Variants in CCDC13 observed in about 807,000 individuals in gnomAD.
The protein encoded by CCDC13 is coiled-coil domain containing 13, also known as coiled-coil domain-containing protein 13.
A neutral mutation model predicts 87.3 loss-of-function variants in CCDC13; 70 were observed. That is an observed-to-expected ratio of 0.80 (90% CI 0.66 to 0.98). CCDC13 has a LOEUF of 0.98. Among genes scored for constraint, CCDC13 ranks in the 50% least tolerant of loss-of-function variants. CCDC13 has a pLI of 0.00. For synonymous variants in CCDC13, 317 were observed against 360.3 expected (o/e 0.88, Z 1.36); for missense variants, 842 against 892.0 (o/e 0.94, Z 0.71).
Position 42,708,047 on chromosome 3 carries a change from C to T in CCDC13, c.*933G>A, listed in dbSNP as rs1333483736. 6.6e-6 allele frequency among the ~76,000 whole-genome samples: 1 copy of T among 152,132 alleles called. No homozygotes were observed. Among genetic ancestry groups the T allele is most frequent in the East Asian group, 1.9e-4 (1 of 5,182 alleles). ...ACTGTACCTTTGACTGGAGCCACTA[C>T]CTCAAAACCCTTCTGCCTGAAGCTC... On this transcript the variant is annotated 3_prime_UTR_variant, in exon 16 of 16. Transcript: ENST00000310232.
Position 42,708,856 on chromosome 3 carries a change from G to A in CCDC13, c.*124C>T, listed in dbSNP as rs1405819563. On this transcript the variant is annotated 3_prime_UTR_variant, in exon 16 of 16. Transcript: ENST00000310232. ...GGTCATCCTTAAGGAGCCTCTTCTGGTAGAAGTGGTTGAGCTGGCTGCCCT... is the reference window on the plus strand; with the variant it reads ...GGTCATCCTTAAGGAGCCTCTTCTGATAGAAGTGGTTGAGCTGGCTGCCCT... 7 of 986,356 alleles carry A rather than the reference G, an allele frequency of 7.1e-6. No individual in the cohort carries two copies. In the South Asian group the frequency reaches 1.2e-4, roughly 17 times the overall value. The allele number at this position is 986,356 out of a possible 1,614,324, so 61.1% of individuals were successfully genotyped here.
intron 13 of CCDC13, among the ~76,000 whole-genome samples, chr3:42,714,983 A>C (rs998159163): frequency 6.6e-6 from 1 of 152,164 alleles, no homozygotes; most frequent in Non-Finnish European, 1.5e-5. Flanking sequence ...TCATGTCCAC[A>C]TGTAGCCATT....
At chr3:42,726,588 A>AT (rs1698694277) in intron 13 of CCDC13, among the ~76,000 whole-genome samples, 1 of 152,154 alleles carries the variant, frequency 6.6e-6, no homozygotes, top group African/African-American at 2.4e-5. Context: ...GTCCTTGGGA[A>AT]TATATAAAGT....
In CCDC13 at chr3:42,707,933, G is replaced by C. The variant is rs1698213825; in HGVS notation, c.*1047C>G. Among the ~76,000 whole-genome samples, 2 of 152,222 alleles carry C rather than the reference G, an allele frequency of 1.3e-5. No homozygotes were observed. The highest frequency in any genetic ancestry group is 1.3e-4 in the Admixed American group (2 of 15,292). On this transcript the variant is annotated 3_prime_UTR_variant, in exon 16 of 16. Coordinates refer to ENST00000310232, the MANE Select transcript of CCDC13 (RefSeq NM_144719.4). ...GCTATAAGTGCATAGTTACAGCTGAGAAAGGGCAACACTGACAGTCATAGA... is the reference window on the plus strand; with the variant it reads ...GCTATAAGTGCATAGTTACAGCTGACAAAGGGCAACACTGACAGTCATAGA...
At chr3:42,724,851 GT>G (rs1698652227) in intron 13 of CCDC13, among the ~76,000 whole-genome samples, 3 of 152,124 alleles carry the variant, frequency 2.0e-5, no homozygotes, top group Admixed American at 6.5e-5. Flanking sequence ...AGATAAGGAG[GT>G]TTCCCCCTAC....
chr3:42,740,241 AG>A (rs1699170885), intron 8 of CCDC13, among the ~76,000 whole-genome samples: 2 of 152,218 alleles, frequency 1.3e-5, no homozygotes, highest in Admixed American at 6.5e-5. Flanking sequence ...TTGCACCACC[AG>A]GAGCTAGAAT....
At chr3:42,759,100 T>C (rs184534403) in intron 1 of CCDC13, among the ~76,000 whole-genome samples, 7 of 152,316 alleles carry the variant, frequency 4.6e-5, no homozygotes, top group Non-Finnish European at 7.3e-5. Context: ...GTGAGTAGAC[T>C]GCTTGAGACC....
intron 7 of CCDC13, among the ~76,000 whole-genome samples, chr3:42,744,396 G>A (rs1033722652): frequency 4.6e-5 from 7 of 152,292 alleles, no homozygotes; most frequent in Admixed American, 2.6e-4. Context: ...AGCACAATTC[G>A]CTAGGCTCCC....
At chr3:42,758,096 C>CACAA in intron 2 of CCDC13, 29 bp downstream of exon 2, 1 of 1,523,042 alleles carries the variant, frequency 6.6e-7, no homozygotes, top group Non-Finnish European at 9.1e-7. Flanking sequence ...CACACACACA[C>CACAA]CCCTGAGAGA....
At chr3:42,728,972 T>G (rs1258420944) in intron 13 of CCDC13, among the ~76,000 whole-genome samples, 2 of 151,988 alleles carry the variant, frequency 1.3e-5, no homozygotes, top group African/African-American at 4.8e-5. Context: ...AAATGAGATC[T>G]CACATGGAGA....
chr3:42,739,259 G>A (rs1699133018), intron 9 of CCDC13, among the ~76,000 whole-genome samples: 1 of 152,184 alleles, frequency 6.6e-6, no homozygotes, highest in Non-Finnish European at 1.5e-5. Flanking sequence ...AAGAGGAAGG[G>A]TTCTGTGCCA....
downstream of CCDC13, chr3:42,704,547 C>A (rs114855590): frequency 4.8e-3 from 725 of 152,410 alleles, 4 homozygotes; most frequent in African/African-American, 0.016. Context: ...CACAGACACC[C>A]TGACCCCCAG....
chr3:42,742,910 G>A lies in CCDC13; in HGVS notation c.973C>T (p.Gln325Ter). 1 of 1,614,126 alleles carries A rather than the reference G, an allele frequency of 6.2e-7. No individual in the cohort carries two copies. The highest frequency in any genetic ancestry group is 2.2e-5 in the East Asian group (1 of 44,878). ...LRIRSLEREK[Q>*]EGLEKLASER... The stretch of plus-strand genomic sequence containing the variant: ...GCACGCGTTACCTCCAAGCCTTCCT[G>A]TTTTTCCCTTTCCAGGCTGCGGATC... The change falls in exon 8 of 16, where the codon CAG becomes TAG. Residue 325 changes from glutamine (Q) to a stop codon, truncating the protein, a stop_gained. Transcript: ENST00000310232. LOFTEE classifies it high-confidence loss of function.
intron 1 of CCDC13, among the ~76,000 whole-genome samples, chr3:42,766,152 G>A (rs1699928080): frequency 6.6e-6 from 1 of 152,170 alleles, no homozygotes; most frequent in Admixed American, 6.5e-5. Context: ...TTGAGTGACT[G>A]GGGAGACAGC....
In CCDC13 at chr3:42,727,328, T is replaced by C. The variant is rs370688942; in HGVS notation, c.1718+3139A>G. Among the ~76,000 whole-genome samples, 43 of 152,004 alleles carry C rather than the reference T, an allele frequency of 2.8e-4. No homozygotes were observed. The East Asian group carries it at 5.4e-3, about 19-fold the overall frequency. On this transcript the variant is annotated intron_variant, in intron 13 of 15. Coordinates refer to ENST00000310232, the MANE Select transcript of CCDC13 (RefSeq NM_144719.4). ...CGGAGGTTGCAGTAAGCTGAGATCATGCCACTGCACGCCAGCCTGGGTGAC... is the reference window on the plus strand; with the variant it reads ...CGGAGGTTGCAGTAAGCTGAGATCACGCCACTGCACGCCAGCCTGGGTGAC...
intron 8 of CCDC13, among the ~76,000 whole-genome samples, chr3:42,741,373 C>T (rs1423404522): frequency 6.6e-6 from 1 of 152,134 alleles, no homozygotes. Context: ...TCTTCCAACC[C>T]ATTCCTCCTC....
At chr3:42,727,365 C>T (rs1192445260) in intron 13 of CCDC13, among the ~76,000 whole-genome samples, 1 of 151,066 alleles carries the variant, frequency 6.6e-6, no homozygotes, top group Non-Finnish European at 1.5e-5. Context: ...GAGAGAGACT[C>T]GGTCTCAAAA....
intron 10 of CCDC13, among the ~76,000 whole-genome samples, chr3:42,735,369 C>T (rs559352442): frequency 6.6e-6 from 1 of 152,314 alleles, no homozygotes; most frequent in Admixed American, 6.5e-5. Flanking sequence ...GGCTTTCCTT[C>T]TCTCATCCTG....
intron 11 of CCDC13, 54 bp from the exon 12 acceptor site, chr3:42,733,024 T>C: frequency 1.4e-6 from 2 of 1,445,992 alleles, no homozygotes; most frequent in African/African-American, 1.4e-5. Context: ...CAGGCCCTAC[T>C]GGGCCTCACC....
Sources: gnomAD v4.1 joint callset for allele counts (sites outside exome capture counted in the v4.1 genomes callset) on GRCh38, gnomAD v4.1.1 for gene constraint, MANE v1.5 for transcripts, NCBI Gene and HGNC (gene_info 2026-07-23, HGNC 2026-07-21) for gene names.